Variants in ELMO1 observed in about 807,000 individuals in gnomAD.
ELMO1 encodes the protein engulfment and cell motility protein 1.
A neutral mutation model predicts 98.9 loss-of-function variants in ELMO1; 26 were observed. That is an observed-to-expected ratio of 0.26 (90% confidence interval 0.19 to 0.36). The LOEUF (loss-of-function observed/expected upper bound fraction) is 0.36. Ranked by LOEUF, ELMO1 falls within the 10% of genes least tolerant of loss-of-function variation. The probability of loss-of-function intolerance (pLI) is 1.00; values close to 1 mark genes in which losing one functional copy is unlikely to be tolerated. For missense variants in ELMO1, 627 were observed against 935.2 expected (o/e 0.67, Z 4.30); for synonymous variants, 346 against 346.0 (o/e 1.00, Z 0.00).
At position 37,114,722 on chromosome 7, in the gene ELMO1, T is replaced by C. The variant is rs1321308797; in HGVS notation, c.1192-17995A>G. On this transcript the variant is annotated intron_variant, in intron 14 of 21. Coordinates refer to ENST00000310758, the MANE Select transcript of ELMO1 (RefSeq NM_014800.11). ...GAAAACTAAAAAAATACAAATTAAA[T>C]CTAAAGTAAGCTGAAGAAAAGAAGT... 2.0e-5 allele frequency among the ~76,000 whole-genome samples: 3 copies of C among 151,404 alleles called. 1 individual carries two copies. The highest frequency in any genetic ancestry group is 4.4e-5 in the Non-Finnish European group (3 of 67,852).
intron 18 of ELMO1, among the ~76,000 whole-genome samples, chr7:36,884,958 A>C (rs1804816654): frequency 6.6e-6 from 1 of 152,176 alleles, no homozygotes; most frequent in South Asian, 2.1e-4. Context: ...TCCCAGTCTG[A>C]GATCTCATGT....
At chr7:37,221,674 T>C (rs1793604026) in intron 10 of ELMO1, among the ~76,000 whole-genome samples, 1 of 151,824 alleles carries the variant, frequency 6.6e-6, no homozygotes, top group African/African-American at 2.4e-5. Context: ...GTTCCATGTA[T>C]GTATATTAAG....
chr7:37,443,260 T>C (rs1217980846), intron 1 of ELMO1, among the ~76,000 whole-genome samples: 4 of 152,220 alleles, frequency 2.6e-5, no homozygotes, highest in African/African-American at 7.2e-5. Flanking sequence ...TGTTTTCTAC[T>C]GAGGAAAGTT....
At chr7:37,156,649 T>C (rs1046730870) in intron 13 of ELMO1, among the ~76,000 whole-genome samples, 2 of 152,090 alleles carry the variant, frequency 1.3e-5, no homozygotes, top group Non-Finnish European at 2.9e-5. Flanking sequence ...AATAGAACAA[T>C]AACAGGTTCT....
chr7:36,981,751 T>C (rs1489228419), intron 16 of ELMO1, among the ~76,000 whole-genome samples: 1 of 152,222 alleles, frequency 6.6e-6, no homozygotes, highest in African/African-American at 2.4e-5. Flanking sequence ...ACTGTTTTAA[T>C]TCCCCCTTGC....
chr7:37,158,093 G>C (rs1327219781), intron 13 of ELMO1, among the ~76,000 whole-genome samples: 1 of 152,160 alleles, frequency 6.6e-6, no homozygotes, highest in Non-Finnish European at 1.5e-5. Context: ...GGGAAAACTG[G>C]CTAGCCATAT....
rs375490374 is a variant in ELMO1 at position 37,338,008 on chromosome 7, A to T, written c.78+4605T>A. Among the ~76,000 whole-genome samples, 12 of 152,326 alleles carry T rather than the reference A, an allele frequency of 7.9e-5. No individual in the cohort carries two copies. In the East Asian group the frequency reaches 1.5e-3, roughly 20 times the overall value. On this transcript the variant is annotated intron_variant, in intron 2 of 21. Transcript: ENST00000310758. Reference sequence around the variant, plus strand: ...AATTTTTTCTCCTTCCTAAACATTGAAAAAGTTAGGCAGAGAAAGAATGAG... The same window carrying T: ...AATTTTTTCTCCTTCCTAAACATTGTAAAAGTTAGGCAGAGAAAGAATGAG...
rs544943899 is a variant in ELMO1, at chr7:37,381,449, C to T, written c.-73-38686G>A. Among the ~76,000 whole-genome samples the T allele has an allele frequency of 1.1e-4, 17 of 152,228 alleles. No individual in the cohort carries two copies. The South Asian group carries it at 1.2e-3, about 11-fold the overall frequency. ...TTCATGAAGTGGACTTAATTCTGTA[C>T]GAAAGTAGTCAGTAATATACAACCC... is the stretch of plus-strand genomic sequence containing the variant. On this transcript the variant is annotated intron_variant, in intron 1 of 21. Coordinates refer to ENST00000310758, the MANE Select transcript of ELMO1 (RefSeq NM_014800.11).
Position 36,855,701 on chromosome 7 carries a change from C to T in ELMO1, c.2034G>A (p.Met678Ile), listed in dbSNP as rs1054649854. 5.6e-6 allele frequency: 9 copies of T among 1,614,000 alleles called. No individual in the cohort carries two copies. The highest frequency in any genetic ancestry group is 2.7e-5 in the African/African-American group (2 of 74,920). The change falls in exon 22 of 22, where the codon ATG becomes ATA. Residue 678 changes from methionine to isoleucine, a missense_variant. Physicochemically the swap from Met to Ile is conservative, Grantham distance 10. Coordinates refer to ENST00000310758, the MANE Select transcript of ELMO1 (RefSeq NM_014800.11). This position sits in a 1 kb window ranked among gnomAD's most constrained non-coding sequence, Gnocchi z 4.2. Reference protein sequence around the residue: ...GLNALLGKDMMSDLTRNDLDT... With the variant: ...GLNALLGKDMISDLTRNDLDT... ...CCAGGTCATTCCGCGTCAGGTCGCT[C>T]ATCATGTCCTTCCCGAGTAGCGCAT...
chr7:37,091,258 C>T (rs1190472768), intron 15 of ELMO1, among the ~76,000 whole-genome samples: 1 of 152,074 alleles, frequency 6.6e-6, no homozygotes. Flanking sequence ...CAGGCATGCA[C>T]CACCATGCCC....
rs146537206 is a variant in ELMO1 at position 37,320,104 on chromosome 7, A to T, written c.79-4144T>A. The stretch of plus-strand genomic sequence containing the variant: ...ACCCTGTCTCTACTAAAATACAAAA[A>T]AAATAAATAAATAAATAAAACAATT... On this transcript the variant is annotated intron_variant, in intron 2 of 21. Transcript: ENST00000310758. Among the ~76,000 whole-genome samples, 851 of 152,184 alleles carry T rather than the reference A, an allele frequency of 5.6e-3. 7 individuals are homozygous for T. Among genetic ancestry groups the T allele is most frequent in the African/African-American group, 0.018 (733 of 41,532 alleles).
intron 15 of ELMO1, among the ~76,000 whole-genome samples, chr7:37,070,112 C>T (rs997900942): frequency 2.0e-5 from 3 of 152,144 alleles, no homozygotes; most frequent in Non-Finnish European, 4.4e-5. Flanking sequence ...TCACCTCATC[C>T]AATCAGACAC....
intron 18 of ELMO1, among the ~76,000 whole-genome samples, chr7:36,883,402 G>A (rs1045475140): frequency 3.9e-5 from 6 of 152,148 alleles, no homozygotes; most frequent in Non-Finnish European, 7.3e-5. Flanking sequence ...ATAGTGGCTG[G>A]TATCATTTCG....
intron 1 of ELMO1, among the ~76,000 whole-genome samples, chr7:37,365,250 C>T (rs1801858187): frequency 9.1e-6 from 1 of 110,172 alleles, no homozygotes; most frequent in Non-Finnish European, 1.9e-5. Context: ...CAAAAGGACA[C>T]TGGAAAATAA....
intron 16 of ELMO1, chr7:36,985,914 T>C (rs1192172494): frequency 4.0e-6 from 4 of 1,002,756 alleles, no homozygotes; most frequent in Non-Finnish European, 4.8e-6. Context: ...GAGACGGAGG[T>C]TTACTCACCA....
intron 16 of ELMO1, among the ~76,000 whole-genome samples, chr7:36,958,658 T>C (rs1788669085): frequency 1.3e-5 from 2 of 152,314 alleles, no homozygotes; most frequent in Middle Eastern, 3.4e-3. Context: ...AAACAGCTGA[T>C]AATGGCCTCT....
At chr7:36,919,217 C>T (rs184555531) in intron 16 of ELMO1, 27 of 311,366 alleles carry the variant, frequency 8.7e-5, no homozygotes, top group Non-Finnish European at 1.5e-4. Context: ...TCACTATGTG[C>T]TCCATGTTAT....
chr7:37,331,943 C>T (rs553972387), intron 2 of ELMO1, among the ~76,000 whole-genome samples: 1 of 152,040 alleles, frequency 6.6e-6, no homozygotes, highest in East Asian at 1.9e-4. Context: ...GTTTGAGGTA[C>T]AAGAGCCATG....
intron 15 of ELMO1, among the ~76,000 whole-genome samples, chr7:37,094,488 C>A (rs915437843): frequency 6.6e-6 from 1 of 152,126 alleles, no homozygotes; most frequent in Non-Finnish European, 1.5e-5. Flanking sequence ...CTGTCCCCAC[C>A]CCATCCCCAA....
Sources: allele counts gnomAD v4.1 joint callset (sites outside exome capture counted in the v4.1 genomes callset), GRCh38; gene constraint gnomAD v4.1.1; non-coding constraint Gnocchi (gnomAD v3.1); transcripts MANE v1.5; gene names NCBI Gene and HGNC (gene_info 2026-07-23, HGNC 2026-07-21).